Variants in PDGFC observed in about 807,000 individuals in gnomAD.
The protein encoded by PDGFC is platelet-derived growth factor C.
Under a neutral mutation model 35.5 loss-of-function variants are expected in PDGFC, and 12 were observed. That is an observed-to-expected ratio of 0.34 (90% CI 0.22 to 0.55). PDGFC has a LOEUF of 0.55. PDGFC is among the 20% of genes least tolerant of loss of function. The probability of loss-of-function intolerance (pLI) is 0.91; values close to 1 mark genes in which losing one functional copy is unlikely to be tolerated. For synonymous variants in PDGFC, 159 were observed against 148.8 expected (o/e 1.07, Z -0.50); for missense variants, 322 against 412.4 (o/e 0.78, Z 1.90).
intron 2 of PDGFC, among the ~76,000 whole-genome samples, chr4:156,820,719 GA>G (rs543263395): frequency 2.0e-4 from 31 of 151,264 alleles, no homozygotes; most frequent in African/African-American, 7.5e-4. Context: ...AGTAAGAGGA[GA>G]AAAAAAATAT....
chr4:156,885,723 T>C (rs980051983), intron 1 of PDGFC, among the ~76,000 whole-genome samples: 1 of 152,010 alleles, frequency 6.6e-6, no homozygotes, highest in Non-Finnish European at 1.5e-5. Flanking sequence ...AGACTCCACC[T>C]CTACAAAAAT....
At chr4:156,846,146 T>G (rs1370256204) in intron 2 of PDGFC, among the ~76,000 whole-genome samples, 2 of 151,730 alleles carry the variant, frequency 1.3e-5, no homozygotes, top group Non-Finnish European at 3.0e-5. Context: ...CTAAAAAAAT[T>G]GGGTGATAGA....
chr4:156,768,131 A>G (rs1280009463), intron 4 of PDGFC, 141 bp from the exon 5 acceptor site: 2 of 629,370 alleles, frequency 3.2e-6, no homozygotes, highest in Non-Finnish European at 5.6e-6. Flanking sequence ...TATTGTAAGT[A>G]GATTTTAGAG....
At chr4:156,887,191 CA>C (rs1730396345) in intron 1 of PDGFC, among the ~76,000 whole-genome samples, 1 of 152,112 alleles carries the variant, frequency 6.6e-6, no homozygotes, top group African/African-American at 2.4e-5. Context: ...GATGTTATAT[CA>C]TAGCATCACA....
intron 2 of PDGFC, among the ~76,000 whole-genome samples, chr4:156,836,309 A>G (rs978677293): frequency 2.0e-5 from 3 of 152,316 alleles, no homozygotes; most frequent in South Asian, 2.1e-4. Context: ...ACTCACAACT[A>G]TGTAAATCCT....
intron 1 of PDGFC, among the ~76,000 whole-genome samples, chr4:156,932,333 T>C (rs371264338): frequency 6.6e-6 from 1 of 152,178 alleles, no homozygotes; most frequent in Admixed American, 6.5e-5. Context: ...ACGATATTGA[T>C]TCTTCCTACC....
chr4:156,825,581 TAATAATAATAATAAG>T (rs1227627711), intron 2 of PDGFC, among the ~76,000 whole-genome samples: 183 of 92,574 alleles, frequency 2.0e-3, no homozygotes, highest in South Asian at 0.015. Flanking sequence ...ATAATAATAA[TAATAATAATAATAAG>T]AAGAAGAAGA....
intron 1 of PDGFC, among the ~76,000 whole-genome samples, chr4:156,940,564 G>A (rs1011207118): frequency 6.6e-6 from 1 of 152,060 alleles, no homozygotes; most frequent in Non-Finnish European, 1.5e-5. Flanking sequence ...GGCCCTCAAA[G>A]GAAGAGATCT....
chr4:156,781,594 C>A (rs537090218), intron 3 of PDGFC, among the ~76,000 whole-genome samples: 1 of 152,212 alleles, frequency 6.6e-6, no homozygotes, highest in South Asian at 2.1e-4. Context: ...CCATTCATCC[C>A]TCCCAGGTAC....
chr4:156,929,575 A>G (rs1350258373), intron 1 of PDGFC, among the ~76,000 whole-genome samples: 1 of 152,182 alleles, frequency 6.6e-6, no homozygotes, highest in Non-Finnish European at 1.5e-5. Flanking sequence ...AGCCTTCCGG[A>G]ATATACCAAA....
intron 1 of PDGFC, among the ~76,000 whole-genome samples, chr4:156,867,745 C>T (rs1270449346): frequency 1.3e-5 from 2 of 152,042 alleles, no homozygotes; most frequent in Non-Finnish European, 2.9e-5. Flanking sequence ...ATACTGTTTT[C>T]ATATTAAACA....
intron 1 of PDGFC, among the ~76,000 whole-genome samples, chr4:156,862,184 A>G (rs1729728555): frequency 6.6e-6 from 1 of 152,236 alleles, no homozygotes; most frequent in South Asian, 2.1e-4. Flanking sequence ...AGGTGCAACC[A>G]TTTTATAGAA....
chr4:156,845,675 T>C (rs1217500298), intron 2 of PDGFC, among the ~76,000 whole-genome samples: 1 of 151,916 alleles, frequency 6.6e-6, no homozygotes, highest in Non-Finnish European at 1.5e-5. Context: ...TTGCCTCCAT[T>C]TGCACATTTA....
At position 156,888,119 on chromosome 4, in the gene PDGFC, G is replaced by A. The variant is rs144353624; in HGVS notation, c.119-37703C>T. 2.9e-3 allele frequency among the ~76,000 whole-genome samples: 445 copies of A among 152,050 alleles called. 3 individuals carry two copies. Among genetic ancestry groups the A allele is most frequent in the African/African-American group, 0.01 (423 of 41,466 alleles). On this transcript the variant is annotated intron_variant, in intron 1 of 5. Coordinates refer to ENST00000502773, the MANE Select transcript of PDGFC (RefSeq NM_016205.3). ...ATAAATTTAAATTTATGACAATTAC[G>A]GAGGTACCCATGGAGAGGTGTCTTG...
chr4:156,771,139 A>G (rs1429478520), intron 4 of PDGFC, among the ~76,000 whole-genome samples: 1 of 152,218 alleles, frequency 6.6e-6, no homozygotes, highest in Non-Finnish European at 1.5e-5. Flanking sequence ...TTAAATGAAT[A>G]TCTGAAAGAT....
intron 1 of PDGFC, among the ~76,000 whole-genome samples, chr4:156,961,114 G>A (rs1732332898): frequency 6.6e-6 from 1 of 151,958 alleles, no homozygotes. Context: ...AATATCATCT[G>A]CTACCAAAGC....
intron 1 of PDGFC, among the ~76,000 whole-genome samples, chr4:156,920,767 A>G (rs1731256839): frequency 6.6e-6 from 1 of 152,126 alleles, no homozygotes; most frequent in African/African-American, 2.4e-5. Flanking sequence ...AGCCTAAATA[A>G]AAACTATAAT....
At position 156,762,089 on chromosome 4, in the gene PDGFC, T is replaced by C. The variant is rs1017805061; in HGVS notation, c.*1001A>G. 5.2e-5 allele frequency: 8 copies of C among 152,788 alleles called. No homozygotes were observed. The highest frequency in any genetic ancestry group is 8.8e-5 in the Non-Finnish European group (6 of 68,036). The allele number at this position is 152,788 out of a possible 1,614,324, so 9.5% of individuals were successfully genotyped here. ...AATTTAATTATTTTCAAAAAGTCTT[T>C]GCAACTTACCAATTCTATTCCAATT... On this transcript the variant is annotated 3_prime_UTR_variant, in exon 6 of 6. Coordinates refer to ENST00000502773, the MANE Select transcript of PDGFC (RefSeq NM_016205.3).
intron 1 of PDGFC, among the ~76,000 whole-genome samples, chr4:156,887,447 G>A (rs908237599): frequency 1.3e-5 from 2 of 152,068 alleles, no homozygotes. Flanking sequence ...TGAAAATTAA[G>A]AGTCTACCTG....
Sources: allele counts gnomAD v4.1 joint callset (sites outside exome capture counted in the v4.1 genomes callset), GRCh38; gene constraint gnomAD v4.1.1; transcripts MANE v1.5; gene names NCBI Gene and HGNC (gene_info 2026-07-23, HGNC 2026-07-21).